PIK3C2B: variants seen among roughly 807,000 people sequenced by gnomAD.
PIK3C2B encodes the protein phosphatidylinositol 4-phosphate 3-kinase C2 domain-containing subunit beta.
A neutral mutation model predicts 184.3 loss-of-function variants in PIK3C2B; 83 were observed. That is an observed-to-expected ratio of 0.45 (90% CI 0.38 to 0.54). The LOEUF is 0.54. PIK3C2B is among the 20% of genes least tolerant of loss of function. PIK3C2B has a pLI of 0.00. For synonymous variants in PIK3C2B, 779 were observed against 837.6 expected (o/e 0.93, Z 1.21); for missense variants, 1,736 against 2,113.5 (o/e 0.82, Z 3.50).
At chr1:204,435,301 T>C (rs1246053141) in intron 23 of PIK3C2B, 1 of 152,144 alleles carries the variant, frequency 6.6e-6, no homozygotes, top group Non-Finnish European at 1.5e-5. Context: ...TCTTATTTTG[T>C]CTGGTCAACA....
intron 26 of PIK3C2B, among the ~76,000 whole-genome samples, chr1:204,432,985 A>G (rs569735680): frequency 1.3e-5 from 2 of 152,232 alleles, no homozygotes. Flanking sequence ...TCTGACCAAG[A>G]AAGTTAAAAG....
At chr1:204,427,104 T>A (rs979751510) in intron 31 of PIK3C2B, among the ~76,000 whole-genome samples, 2 of 151,264 alleles carry the variant, frequency 1.3e-5, no homozygotes, top group African/African-American at 2.4e-5. Flanking sequence ...GCCACTGCAC[T>A]CCAGCCTGGG....
intron 1 of PIK3C2B, chr1:204,490,057 T>C: frequency 2.5e-6 from 1 of 396,796 alleles, no homozygotes; most frequent in Non-Finnish European, 4.4e-6. Flanking sequence ...TCTCTAATAT[T>C]AGGCACCCAC....
chr1:204,444,316 G>T lies in PIK3C2B; in HGVS notation c.2772+15C>A. 6.2e-7 allele frequency: 1 copy of T among 1,605,900 alleles called. No individual in the cohort carries two copies. Among genetic ancestry groups the T allele is most frequent in the South Asian group, 1.1e-5 (1 of 90,932 alleles). On this transcript the variant is annotated intron_variant, in intron 17 of 32. Coordinates refer to ENST00000684373, the MANE Select transcript of PIK3C2B (RefSeq NM_001377334.1). The stretch of plus-strand genomic sequence containing the variant: ...ATGGGACCAGCAAAACTGGAGGGAG[G>T]ACCAATCCACCCACCTGTACCAGCT...
chr1:204,469,734 C>T lies in PIK3C2B; in HGVS notation c.69G>A (p.Glu23=). The T allele has an allele frequency of 2.5e-6, 4 of 1,614,056 alleles. No individual in the cohort carries two copies. The highest frequency in any genetic ancestry group is 3.4e-6 in the Non-Finnish European group (4 of 1,179,972). Residue 23 remains glutamate, a synonymous_variant, in exon 2 of 33, where the codon GAG becomes GAA. Transcript: ENST00000684373. ...TCTGCAGGGCTTCGGCCATCGCTAG[C>T]TCTTTGCGGCTGATGCCCACTGACT... ...SLESVGISRK[E]LAMAEALQME... is the part of the protein sequence containing the mutation.
rs1297731872 is a variant in PIK3C2B, at chr1:204,469,498, G to A, written c.305C>T (p.Pro102Leu). The A allele has an allele frequency of 8.7e-6, 14 of 1,607,730 alleles. No homozygotes were observed. The highest frequency in any genetic ancestry group is 2.2e-5 in the East Asian group (1 of 44,870). ...NYNSLSPQEG[P>L]PNHSTSQGPQ... is the part of the protein sequence containing the mutation. ...CCCTTGGGAGGTAGAGTGGTTGGGC[G>A]GCCCTTCCTGTGGGGAGAGTGAGTT... Residue 102 changes from proline (P) to leucine (L), a missense_variant, in exon 2 of 33, where the codon CCG becomes CTG. Pro to Leu is a moderately conservative substitution (Grantham distance 98). Around this residue, in one of 8 missense-constraint regions of PIK3C2B, gnomAD observed 404 missense variants for 418.0 expected, o/e 0.97. Coordinates refer to ENST00000684373, the MANE Select transcript of PIK3C2B (RefSeq NM_001377334.1).
chr1:204,443,393 T>C, intron 19 of PIK3C2B, 24 bp downstream of exon 19: 1 of 1,601,492 alleles, frequency 6.2e-7, no homozygotes, highest in Non-Finnish European at 8.5e-7. Context: ...GAGAAATGGG[T>C]AGGGGCAGCC....
At chr1:204,431,435 C>T in intron 28 of PIK3C2B, 2 of 569,550 alleles carry the variant, frequency 3.5e-6, no homozygotes, top group East Asian at 2.9e-5. Context: ...ACATCAGATT[C>T]AACCATGCCT....
At chr1:204,443,056 G>T (rs1675760385) in intron 19 of PIK3C2B, among the ~76,000 whole-genome samples, 2 of 152,228 alleles carry the variant, frequency 1.3e-5, no homozygotes, top group Admixed American at 1.3e-4. Flanking sequence ...GTCCTCTCTG[G>T]GTGGCATCAG....
intron 1 of PIK3C2B, among the ~76,000 whole-genome samples, 198 bp from the exon 2 acceptor site, chr1:204,470,084 C>T (rs1656177554): frequency 6.6e-6 from 1 of 151,960 alleles, no homozygotes; most frequent in Non-Finnish European, 1.5e-5. Context: ...ACTATCCATC[C>T]ATTCATCTCT....
chr1:204,463,346 G>A (rs905434261), intron 5 of PIK3C2B, among the ~76,000 whole-genome samples: 2 of 150,700 alleles, frequency 1.3e-5, no homozygotes, highest in South Asian at 2.1e-4. Flanking sequence ...TGTACCATCT[G>A]AGAAGTGATA....
chr1:204,459,770 T>C (rs1655171260), intron 8 of PIK3C2B, 108 bp downstream of exon 8: 1 of 916,094 alleles, frequency 1.1e-6, no homozygotes, highest in Non-Finnish European at 1.8e-6. Context: ...CAACAGATTT[T>C]CAGGCTCCAC....
At chr1:204,486,820 G>A (rs2103538332) in intron 1 of PIK3C2B, among the ~76,000 whole-genome samples, 1 of 152,228 alleles carries the variant, frequency 6.6e-6, no homozygotes, top group South Asian at 2.1e-4. Context: ...TTTTTTGTTT[G>A]TTTTTGAGAT....
intron 1 of PIK3C2B, among the ~76,000 whole-genome samples, chr1:204,488,694 C>T (rs1171753230): frequency 6.6e-6 from 1 of 152,170 alleles, no homozygotes; most frequent in Non-Finnish European, 1.5e-5. Context: ...TCATTCACCA[C>T]ACTCCATTCC....
At chr1:204,427,514 G>T (rs896582128) in intron 31 of PIK3C2B, 134 bp downstream of exon 31, 6 of 650,274 alleles carry the variant, frequency 9.2e-6, no homozygotes, top group Middle Eastern at 2.5e-4. Context: ...GCTTGCTATG[G>T]TTATAGGTCC....
At chr1:204,452,453 A>G (rs1471116509) in intron 12 of PIK3C2B, among the ~76,000 whole-genome samples, 2 of 148,476 alleles carry the variant, frequency 1.3e-5, no homozygotes, top group East Asian at 2.0e-4. Flanking sequence ...AATTTTTTGT[A>G]TTTTTTGTAG....
chr1:204,454,634 T>C (rs746906689), intron 12 of PIK3C2B, 35 bp downstream of exon 12: 9 of 1,609,902 alleles, frequency 5.6e-6, no homozygotes, highest in Middle Eastern at 2.2e-4. Flanking sequence ...AGGTCTACAG[T>C]GGCCTGGGCA....
chr1:204,490,261 T>C (rs1285940545), intron 1 of PIK3C2B: 1 of 248,412 alleles, frequency 4.0e-6, no homozygotes, highest in African/African-American at 2.2e-5. Context: ...TATTTCTGCT[T>C]CAGGACTACA....
chr1:204,424,454 G>A lies in PIK3C2B; in HGVS notation c.*398C>T, dbSNP rs1418733643. 6 of 348,742 alleles carry A rather than the reference G, an allele frequency of 1.7e-5. No individual in the cohort carries two copies. Among genetic ancestry groups the A allele is most frequent in the South Asian group, 1.1e-4 (5 of 44,162 alleles). The allele number at this position is 348,742 out of a possible 1,614,324, so 21.6% of individuals were successfully genotyped here. On this transcript the variant is annotated 3_prime_UTR_variant, in exon 33 of 33. Coordinates refer to ENST00000684373, the MANE Select transcript of PIK3C2B (RefSeq NM_001377334.1). The stretch of plus-strand genomic sequence containing the variant: ...TACGTCCCTTCTCGCAAGGCTTCCT[G>A]TCCCAGTTAGGACAACATCACTATT...
Sources: allele counts gnomAD v4.1 joint callset (sites outside exome capture counted in the v4.1 genomes callset), GRCh38; gene constraint gnomAD v4.1.1; regional missense constraint gnomAD v4.1.1; transcripts MANE v1.5; gene names NCBI Gene and HGNC (gene_info 2026-07-23, HGNC 2026-07-21).